CCDC171: variants seen among roughly 807,000 people sequenced by gnomAD.
The protein encoded by CCDC171 is coiled-coil domain containing 171.
CCDC171 carries 177 observed loss-of-function variants against 168.2 expected under a neutral mutation model. The observed-to-expected ratio is 1.05, with a 90% CI of 0.93 to 1.19. CCDC171 has a LOEUF of 1.19. Among genes scored for constraint, CCDC171 ranks in the 50% most tolerant of loss-of-function variants. CCDC171 has a pLI of 0.00. For missense variants in CCDC171, 1,991 were observed against 1,539.0 expected, an observed-to-expected ratio of 1.29 and a Z score of -4.91; for synonymous variants, 687 against 540.8, an observed-to-expected ratio of 1.27 and a Z score of -3.75.
rs145781141 is a variant in CCDC171 at position 15,954,100 on chromosome 9, G to A, written c.3754-17509G>A. Among the ~76,000 whole-genome samples, 287 of 147,716 alleles carry A rather than the reference G, an allele frequency of 1.9e-3. 2 individuals carry two copies. Among genetic ancestry groups the A allele is most frequent in the African/African-American group, 6.2e-3 (253 of 40,490 alleles). ...AGCTAAAAGTTTGTCAATTTTGTTG[G>A]TCTTTTCAAAGAACCAACTTTTGGT... On this transcript the variant is annotated intron_variant, in intron 25 of 25. Transcript: ENST00000380701.
chr9:15,679,131 T>C (rs2049857824), intron 10 of CCDC171, among the ~76,000 whole-genome samples: 1 of 152,172 alleles, frequency 6.6e-6, no homozygotes, highest in African/African-American at 2.4e-5. Flanking sequence ...AACTGAATTA[T>C]AGAATTTTCA....
At chr9:15,929,421 C>G (rs1826248752) in intron 25 of CCDC171, among the ~76,000 whole-genome samples, 1 of 151,638 alleles carries the variant, frequency 6.6e-6, no homozygotes, top group Non-Finnish European at 1.5e-5. Context: ...CACTGAGGTC[C>G]CAAACTGAAC....
At chr9:15,555,974 G>T (rs190910838) in intron 1 of CCDC171, among the ~76,000 whole-genome samples, 2 of 152,038 alleles carry the variant, frequency 1.3e-5, no homozygotes, top group Non-Finnish European at 2.9e-5. Context: ...CAGAATGATG[G>T]TTTCTAGCTT....
Position 15,744,711 on chromosome 9 carries a change from A to T in CCDC171, c.2488A>T (p.Ser830Cys), listed in dbSNP as rs770768265. 2 of 1,614,104 alleles carry T rather than the reference A, an allele frequency of 1.2e-6. No homozygotes were observed. Among genetic ancestry groups the T allele is most frequent in the Admixed American group, 3.3e-5 (2 of 60,002 alleles). Residue 830 changes from serine to cysteine, a missense_variant, in exon 17 of 26, where the codon AGT becomes TGT. Coordinates refer to ENST00000380701, the MANE Select transcript of CCDC171 (RefSeq NM_173550.4). ...SCASLFTWME[S>C]FKEGIGMLVC... The stretch of plus-strand genomic sequence containing the variant: ...TGCCTCTCTTTTTACCTGGATGGAG[A>T]GTTTCAAAGAAGGCATAGGCATGTT...
chr9:16,024,656 A>T (rs1049696206), intron 6 of CCDC171, among the ~76,000 whole-genome samples: 11 of 152,212 alleles, frequency 7.2e-5, no homozygotes, highest in Non-Finnish European at 1.2e-4. Context: ...AACCCAAGCA[A>T]TTCCCTTTAT....
chr9:16,031,182 G>C (rs1211749776), intron 6 of CCDC171, among the ~76,000 whole-genome samples: 1 of 152,130 alleles, frequency 6.6e-6, no homozygotes, highest in Non-Finnish European at 1.5e-5. Context: ...TTTGAAAATA[G>C]GTTTTTCAGC....
intron 3 of CCDC171, among the ~76,000 whole-genome samples, chr9:15,578,257 G>C (rs2040831010): frequency 6.9e-6 from 1 of 144,260 alleles, no homozygotes; most frequent in Non-Finnish European, 1.5e-5. Context: ...TTTTTTTTTA[G>C]ACGGTCTTGC....
At chr9:15,823,172 C>G (rs543077424) in intron 21 of CCDC171, among the ~76,000 whole-genome samples, 1 of 151,856 alleles carries the variant, frequency 6.6e-6, no homozygotes, top group Non-Finnish European at 1.5e-5. Context: ...AAATCACACA[C>G]CGGGTTTGTT....
chr9:15,697,378 C>G (rs182296082), intron 11 of CCDC171, among the ~76,000 whole-genome samples: 3 of 152,288 alleles, frequency 2.0e-5, no homozygotes, highest in African/African-American at 7.2e-5. Flanking sequence ...GATCTGTTAA[C>G]CTGTACACAT....
intron 24 of CCDC171, among the ~76,000 whole-genome samples, chr9:15,908,205 C>G (rs369860410): frequency 6.6e-6 from 1 of 152,056 alleles, no homozygotes; most frequent in Non-Finnish European, 1.5e-5. Flanking sequence ...CACATGCACA[C>G]GTATGTTTAT....
intron 4 of CCDC171, 65 bp from the exon 5 acceptor site, chr9:15,591,301 G>C (rs1236608982): frequency 6.1e-6 from 6 of 980,340 alleles, no homozygotes; most frequent in South Asian, 1.5e-5. Flanking sequence ...CCAATGCCTA[G>C]GTTTTGGGGC....
chr9:15,712,719 C>T (rs888403918), intron 11 of CCDC171, among the ~76,000 whole-genome samples: 1 of 152,116 alleles, frequency 6.6e-6, no homozygotes, highest in Non-Finnish European at 1.5e-5. Flanking sequence ...CTCATCCTCC[C>T]AGAGGATGGT....
At chr9:15,923,984 G>T (rs2132042406) in intron 25 of CCDC171, among the ~76,000 whole-genome samples, 1 of 151,234 alleles carries the variant, frequency 6.6e-6, no homozygotes, top group East Asian at 2.0e-4. Context: ...GTGTTACTCA[G>T]TTATATATAT....
In CCDC171 at chr9:15,658,085, C is replaced by G. The variant is rs563108376; in HGVS notation, c.915+866C>G. 8.1e-4 allele frequency among the ~76,000 whole-genome samples: 124 copies of G among 152,292 alleles called. 2 individuals are homozygous for G. The South Asian group carries it at 0.024, about 30-fold the overall frequency. On this transcript the variant is annotated intron_variant, in intron 8 of 25. Transcript: ENST00000380701. ...TGTGGCCCTTTACAGAAAATGTTTA[C>G]TGACCACTGTTCTGAACAACTGCTT...
chr9:15,811,405 GT>G (rs1204675196), intron 21 of CCDC171, among the ~76,000 whole-genome samples: 2 of 151,856 alleles, frequency 1.3e-5, no homozygotes, highest in Non-Finnish European at 2.9e-5. Flanking sequence ...AAAGGCTTGG[GT>G]TTTTTTTCTT....
intron 24 of CCDC171, among the ~76,000 whole-genome samples, chr9:15,913,479 G>T (rs1824019764): frequency 6.6e-6 from 1 of 152,124 alleles, no homozygotes; most frequent in Non-Finnish European, 1.5e-5. Context: ...CAAAAAAACA[G>T]CTCCTGGATT....
chr9:16,029,974 A>G (rs1833340315), intron 6 of CCDC171, among the ~76,000 whole-genome samples: 1 of 152,182 alleles, frequency 6.6e-6, no homozygotes, highest in South Asian at 2.1e-4. Flanking sequence ...AAGCTGTCAG[A>G]TTTGGTGCCT....
At chr9:16,106,377 C>T in the CCDC171 span, among the ~76,000 whole-genome samples, 35 of 152,162 alleles carry the variant, frequency 2.3e-4, no homozygotes, top group Non-Finnish European at 4.3e-4. Context: ...TCCGCATTTC[C>T]GTAGCTCAGT....
chr9:15,672,181 A>C (rs924244969), intron 9 of CCDC171, among the ~76,000 whole-genome samples: 2 of 152,012 alleles, frequency 1.3e-5, no homozygotes, highest in Admixed American at 1.3e-4. Context: ...TCCTTTGCCC[A>C]CTTTTTGATG....
Sources: allele counts gnomAD v4.1 joint callset (sites outside exome capture counted in the v4.1 genomes callset), GRCh38; gene constraint gnomAD v4.1.1; transcripts MANE v1.5; gene names NCBI Gene and HGNC (gene_info 2026-07-23, HGNC 2026-07-21).